Variants in ADCY2 observed in about 807,000 individuals in gnomAD.
ADCY2 encodes the protein adenylate cyclase type 2.
ADCY2 carries 31 observed loss-of-function variants against 125.2 expected under a neutral mutation model. The ratio of observed to expected loss-of-function variants is 0.25; its 90% confidence interval spans 0.19 to 0.33. The LOEUF (loss-of-function observed/expected upper bound fraction) is 0.33. ADCY2 is among the 10% of genes least tolerant of loss of function. The pLI is 1.00. For missense variants in ADCY2, 904 were observed against 1,418.2 expected (o/e 0.64, Z 5.82); for synonymous variants, 512 against 548.4 (o/e 0.93, Z 0.93).
chr5:7,699,344 G>A (rs1741004768), intron 7 of ADCY2, among the ~76,000 whole-genome samples: 1 of 151,396 alleles, frequency 6.6e-6, no homozygotes, highest in Non-Finnish European at 1.5e-5. Flanking sequence ...TGATCCGCCC[G>A]CCTCGGCCTC....
intron 20 of ADCY2, chr5:7,800,850 T>C (rs76586366): frequency 0.012 from 1,889 of 152,322 alleles, 30 homozygotes; most frequent in African/African-American, 0.042. Context: ...GCCTTGGCTG[T>C]CATAGGCTGT....
At chr5:7,752,702 G>GAA (rs34058316) in intron 15 of ADCY2, among the ~76,000 whole-genome samples, 59 of 146,000 alleles carry the variant, frequency 4.0e-4, no homozygotes, top group Middle Eastern at 3.5e-3. Flanking sequence ...AACAAGGGAA[G>GAA]AAAAAAAAAA....
chr5:7,676,474 TTTTG>T (rs1236369710), intron 4 of ADCY2, among the ~76,000 whole-genome samples: 1 of 151,282 alleles, frequency 6.6e-6, no homozygotes, highest in African/African-American at 2.4e-5. Context: ...CCTGTCTAAT[TTTTG>T]TTTACTTTAA....
chr5:7,418,252 C>T (rs1740033323), intron 2 of ADCY2, among the ~76,000 whole-genome samples: 1 of 152,140 alleles, frequency 6.6e-6, no homozygotes, highest in Non-Finnish European at 1.5e-5. Flanking sequence ...TTGTCTTTCC[C>T]ACGCCACTGG....
At chr5:7,603,922 T>C (rs1464426892) in intron 3 of ADCY2, among the ~76,000 whole-genome samples, 1 of 93,494 alleles carries the variant, frequency 1.1e-5, no homozygotes, top group Non-Finnish European at 2.1e-5. Flanking sequence ...CCCACTAATG[T>C]GTCATCTAGC....
Position 7,802,515 on chromosome 5 carries a change from T to C in ADCY2, c.2775+151T>C. On this transcript the variant is annotated intron_variant, in intron 21 of 24. Transcript: ENST00000338316. The surrounding 1 kb of genome is among the most constrained non-coding windows in gnomAD (Gnocchi z 4.6). ...TGGCATTAAAGCCTTTTGCTTTATT[T>C]AGGTCTCTGACTAATTTAAGGTAGA... 1 of 852,798 alleles carries C rather than the reference T, an allele frequency of 1.2e-6. No individual in the cohort carries two copies. Among genetic ancestry groups the C allele is most frequent in the Non-Finnish European group, 1.7e-6 (1 of 571,664 alleles). 52.8% of individuals were successfully genotyped at this position (852,798 alleles called of 1,614,324 possible). A position where few individuals can be genotyped will look rare whatever the true frequency, so the allele number is the denominator to read the frequency against.
intron 3 of ADCY2, among the ~76,000 whole-genome samples, chr5:7,576,701 T>A (rs1421552748): frequency 2.0e-5 from 3 of 152,176 alleles, no homozygotes; most frequent in Non-Finnish European, 4.4e-5. Context: ...GCTCAGATAA[T>A]TTAAATAACT....
chr5:7,443,837 T>C (rs1741115703), intron 2 of ADCY2, among the ~76,000 whole-genome samples: 1 of 152,012 alleles, frequency 6.6e-6, no homozygotes, highest in African/African-American at 2.4e-5. Flanking sequence ...TATTGTGTTT[T>C]AACATCCCTT....
intron 3 of ADCY2, among the ~76,000 whole-genome samples, chr5:7,614,907 G>C (rs557449956): frequency 2.0e-4 from 30 of 152,310 alleles, no homozygotes; most frequent in African/African-American, 7.2e-4. Flanking sequence ...TTGCATTGCT[G>C]TAAGGAACTA....
intron 8 of ADCY2, 108 bp from the exon 9 acceptor site, chr5:7,707,598 C>T: frequency 1.5e-6 from 2 of 1,346,760 alleles, no homozygotes; most frequent in South Asian, 1.4e-5. Flanking sequence ...GGTCAGTGCT[C>T]CTAAGAACTT....
chr5:7,727,650 T>G (rs1741972035), intron 14 of ADCY2, among the ~76,000 whole-genome samples: 1 of 152,114 alleles, frequency 6.6e-6, no homozygotes. Flanking sequence ...GGCATGACCT[T>G]TCACTATAAG....
At chr5:7,481,473 TAGTC>T in intron 2 of ADCY2, among the ~76,000 whole-genome samples, 1 of 151,606 alleles carries the variant, frequency 6.6e-6, no homozygotes, top group East Asian at 2.0e-4. Flanking sequence ...TTCACTGTGT[TAGTC>T]AGGATGGTCT....
chr5:7,500,204 G>A (rs1743511043), intron 2 of ADCY2, among the ~76,000 whole-genome samples: 1 of 152,130 alleles, frequency 6.6e-6, no homozygotes. Flanking sequence ...ACACCATTGG[G>A]TTATAATCAT....
intron 15 of ADCY2, among the ~76,000 whole-genome samples, chr5:7,751,646 A>G (rs767292861): frequency 3.3e-5 from 5 of 152,184 alleles, no homozygotes; most frequent in South Asian, 4.1e-4. Context: ...TCCCTGAGCT[A>G]GTGAATGGGG....
chr5:7,681,144 T>C (rs1474890290), intron 4 of ADCY2, among the ~76,000 whole-genome samples: 2 of 152,356 alleles, frequency 1.3e-5, no homozygotes, highest in African/African-American at 4.8e-5. Flanking sequence ...AGTTGCCTTT[T>C]GCATCTTTAA....
chr5:7,593,762 GAC>G (rs1736919676), intron 3 of ADCY2, among the ~76,000 whole-genome samples: 1 of 152,022 alleles, frequency 6.6e-6, no homozygotes, highest in African/African-American at 2.4e-5. Context: ...CTGTTCTCAT[GAC>G]ACATTCTAAT....
chr5:7,452,182 G>A (rs958087145), intron 2 of ADCY2, among the ~76,000 whole-genome samples: 1 of 152,086 alleles, frequency 6.6e-6, no homozygotes, highest in African/African-American at 2.4e-5. Context: ...CAAAGTGCTG[G>A]GATTACAGGC....
At chr5:7,579,088 G>C (rs949262120) in intron 3 of ADCY2, among the ~76,000 whole-genome samples, 1 of 152,070 alleles carries the variant, frequency 6.6e-6, no homozygotes, top group Non-Finnish European at 1.5e-5. Context: ...TTTTCCAGTG[G>C]GGTAATATAG....
At chr5:7,825,327 A>G (rs1745442306) in intron 24 of ADCY2, among the ~76,000 whole-genome samples, 1 of 152,014 alleles carries the variant, frequency 6.6e-6, no homozygotes, top group Non-Finnish European at 1.5e-5. Flanking sequence ...GCTGTGTGCC[A>G]TAACACTGCT....
Sources: allele counts gnomAD v4.1 joint callset (sites outside exome capture counted in the v4.1 genomes callset), GRCh38; gene constraint gnomAD v4.1.1; non-coding constraint Gnocchi (gnomAD v3.1); transcripts MANE v1.5; gene names NCBI Gene and HGNC (gene_info 2026-07-23, HGNC 2026-07-21).